MARCHF1: variants seen among roughly 807,000 people sequenced by gnomAD.
MARCHF1 encodes the protein membrane associated ring-CH-type finger 1, also known as E3 ubiquitin-protein ligase MARCHF1.
Under a neutral mutation model 54.2 loss-of-function variants are expected in MARCHF1, and 40 were observed. That is an observed-to-expected ratio of 0.74 (90% CI 0.57 to 0.96). The LOEUF (loss-of-function observed/expected upper bound fraction) is 0.96, where lower values mean the gene tolerates loss of function less well. Among genes scored for constraint, MARCHF1 ranks in the 40% least tolerant of loss-of-function variants. The pLI is 0.00. For missense variants in MARCHF1, 586 were observed against 656.5 expected, an observed-to-expected ratio of 0.89 and a Z score of 1.17; for synonymous variants, 236 against 236.3, an observed-to-expected ratio of 1.00 and a Z score of 0.01.
intron 2 of MARCHF1, among the ~76,000 whole-genome samples, chr4:164,024,239 C>T (rs536332220): frequency 4.4e-4 from 67 of 152,010 alleles, no homozygotes; most frequent in Admixed American, 2.4e-3. Flanking sequence ...TATAAAGTAC[C>T]CCTGCTAGAT....
Position 164,063,002 on chromosome 4 carries a change from T to C in MARCHF1, c.-248+48586A>G, listed in dbSNP as rs182685698. On this transcript the variant is annotated intron_variant, in intron 2 of 9. Coordinates refer to ENST00000514618, the MANE Select transcript of MARCHF1 (RefSeq NM_001394959.1). ...AGTAATGTTTTAGAAGAAATCTTTG[T>C]GGTTTTTGCTTGTTGTTTTCTGAGC... Among the ~76,000 whole-genome samples the C allele has an allele frequency of 1.2e-4, 18 of 152,362 alleles. No individual in the cohort carries two copies. In the East Asian group the frequency reaches 3.5e-3, roughly 29 times the overall value.
intron 1 of MARCHF1, among the ~76,000 whole-genome samples, chr4:164,354,849 G>A (rs1730472323): frequency 9.2e-6 from 1 of 109,212 alleles, no homozygotes; most frequent in Non-Finnish European, 1.9e-5. Context: ...CGACATGATT[G>A]TTTATCTAGA....
At chr4:163,585,045 CG>C (rs1268000868) in intron 8 of MARCHF1, 1 of 152,022 alleles carries the variant, frequency 6.6e-6, no homozygotes, top group Non-Finnish European at 1.5e-5. Flanking sequence ...AGCTGTTCTT[CG>C]GTGGCTTTGA....
At chr4:164,202,567 A>C (rs1731484110) in intron 1 of MARCHF1, among the ~76,000 whole-genome samples, 1 of 152,198 alleles carries the variant, frequency 6.6e-6, no homozygotes, top group Non-Finnish European at 1.5e-5. Context: ...TATCCCCATT[A>C]TATATGTTAG....
chr4:163,638,290 AGGTGGGGCT>A (rs1464561042), intron 5 of MARCHF1, among the ~76,000 whole-genome samples: 1 of 151,566 alleles, frequency 6.6e-6, no homozygotes, highest in African/African-American at 2.4e-5. Flanking sequence ...CCAGTGTTGG[AGGTGGGGCT>A]GGTGAAAAAC....
chr4:164,062,588 G>A (rs1461985605), intron 2 of MARCHF1, among the ~76,000 whole-genome samples: 1 of 151,964 alleles, frequency 6.6e-6, no homozygotes, highest in Non-Finnish European at 1.5e-5. Context: ...GCAGTGGCGC[G>A]ATCTCGGCTC....
intron 3 of MARCHF1, among the ~76,000 whole-genome samples, chr4:163,887,895 A>T (rs1295446529): frequency 6.6e-6 from 1 of 152,104 alleles, no homozygotes; most frequent in Admixed American, 6.6e-5. Flanking sequence ...AGGGGCAATA[A>T]CTCAAGTATC....
At chr4:163,746,600 A>C (rs941002330) in intron 4 of MARCHF1, among the ~76,000 whole-genome samples, 1 of 152,174 alleles carries the variant, frequency 6.6e-6, no homozygotes, top group African/African-American at 2.4e-5. Flanking sequence ...GACTTCCATG[A>C]TGGCTGTACC....
chr4:163,717,043 C>T (rs1053879585), intron 4 of MARCHF1, among the ~76,000 whole-genome samples: 7 of 151,632 alleles, frequency 4.6e-5, no homozygotes, highest in Non-Finnish European at 8.8e-5. Context: ...ATGTGCACAA[C>T]GTGCAGGTTT....
rs1446643896 is a variant in MARCHF1, at chr4:163,910,410, T to C, written c.-38-56241A>G. On this transcript the variant is annotated intron_variant, in intron 3 of 9. Transcript: ENST00000514618. ...ACATTTTCTCAAAGCTATGTTCTCT[T>C]CTCTATGCACTGTGACCTATTGCTA... Among the ~76,000 whole-genome samples, 22 of 152,274 alleles carry C rather than the reference T, an allele frequency of 1.4e-4. No individual in the cohort carries two copies. In the Middle Eastern group the frequency reaches 0.01, roughly 71 times the overall value.
At chr4:163,913,796 T>C (rs1406228870) in intron 3 of MARCHF1, among the ~76,000 whole-genome samples, 3 of 152,118 alleles carry the variant, frequency 2.0e-5, no homozygotes, top group African/African-American at 7.2e-5. Flanking sequence ...CTGTCACCAA[T>C]TGTAACTGCC....
chr4:163,563,456 C>T (rs1739538383), intron 8 of MARCHF1, among the ~76,000 whole-genome samples: 1 of 152,178 alleles, frequency 6.6e-6, no homozygotes, highest in Non-Finnish European at 1.5e-5. Flanking sequence ...AACATCTAGT[C>T]ACCATTCAAA....
Position 163,527,955 on chromosome 4 carries a change from G to GT in MARCHF1, c.*792_*793insA, listed in dbSNP as rs1553988877. The GT allele has an allele frequency of 6.6e-6, 1 of 152,452 alleles. No individual in the cohort carries two copies. The highest frequency in any genetic ancestry group is 1.5e-5 in the Non-Finnish European group (1 of 67,960). 9.4% of individuals were successfully genotyped at this position (152,452 alleles called of 1,614,324 possible). A position where few individuals can be genotyped will look rare whatever the true frequency, so the allele number is the denominator to read the frequency against. The stretch of plus-strand genomic sequence containing the variant: ...AGGGCTACTGGGAAGTTAAATATTT[G>GT]CATCTGTGGCCTGCATTTGTGGCTG... On this transcript the variant is annotated 3_prime_UTR_variant, in exon 10 of 10. Coordinates refer to ENST00000514618, the MANE Select transcript of MARCHF1 (RefSeq NM_001394959.1).
intron 5 of MARCHF1, among the ~76,000 whole-genome samples, chr4:163,634,163 A>C (rs28862314): frequency 0.027 from 4,075 of 151,896 alleles, 177 homozygotes; most frequent in East Asian, 0.16. Context: ...TAAAGACCAT[A>C]GAGACTAGGA....
chr4:164,300,249 A>G (rs1269991743), intron 1 of MARCHF1, among the ~76,000 whole-genome samples: 2 of 152,098 alleles, frequency 1.3e-5, no homozygotes, highest in East Asian at 3.9e-4. Flanking sequence ...TAAATACCCC[A>G]GCTGAAGCAA....
At chr4:163,981,179 A>C (rs1752755905) in intron 3 of MARCHF1, among the ~76,000 whole-genome samples, 1 of 148,036 alleles carries the variant, frequency 6.8e-6, no homozygotes, top group Non-Finnish European at 1.5e-5. Flanking sequence ...ACTCCCTTTT[A>C]TTCATATTGG....
rs1731302884 is a variant in MARCHF1, at chr4:164,197,355, G to A, written c.-322-85693C>T. ...CGTAGTCGTTCAGGTTGGTTACCTC[G>A]CAATTGAAAAGGTCTAAGCTCTTGA... is the stretch of plus-strand genomic sequence containing the variant. On this transcript the variant is annotated intron_variant, in intron 1 of 9. Coordinates refer to ENST00000514618, the MANE Select transcript of MARCHF1 (RefSeq NM_001394959.1). The A allele has an allele frequency of 5.6e-6, 9 of 1,612,598 alleles. No homozygotes were observed. In the South Asian group the frequency reaches 6.6e-5, roughly 12 times the overall value.
intron 3 of MARCHF1, among the ~76,000 whole-genome samples, chr4:163,896,666 C>T (rs1750814013): frequency 6.6e-6 from 1 of 152,144 alleles, no homozygotes; most frequent in Non-Finnish European, 1.5e-5. Flanking sequence ...GTTTTCCTGA[C>T]ATCTATCTCT....
intron 2 of MARCHF1, among the ~76,000 whole-genome samples, chr4:164,041,341 A>G (rs1435977421): frequency 1.3e-5 from 2 of 152,154 alleles, no homozygotes; most frequent in Non-Finnish European, 2.9e-5. Flanking sequence ...CATTATATCT[A>G]GACTTTTTAT....
Sources: allele counts gnomAD v4.1 joint callset (sites outside exome capture counted in the v4.1 genomes callset), GRCh38; gene constraint gnomAD v4.1.1; transcripts MANE v1.5; gene names NCBI Gene and HGNC (gene_info 2026-07-23, HGNC 2026-07-21).